The following MAP3K20 variants were observed in gnomAD, a reference collection of about 807,000 sequenced individuals.
MAP3K20 encodes the protein HCCS-4.
In MAP3K20, 40 loss-of-function variants were observed where a neutral mutation model predicts 85.7. The ratio of observed to expected loss-of-function variants is 0.47; its 90% CI spans 0.36 to 0.61. MAP3K20 has a LOEUF of 0.61. MAP3K20 is among the 20% of genes least tolerant of loss of function. MAP3K20 has a pLI of 0.00. For missense variants in MAP3K20, 817 were observed against 961.7 expected, an observed-to-expected ratio of 0.85 and a Z score of 1.99; for synonymous variants, 325 against 327.7, an observed-to-expected ratio of 0.99 and a Z score of 0.09.
At position 173,102,299 on chromosome 2, in the gene MAP3K20, T is replaced by C. The variant is rs187081606; in HGVS notation, c.159+11109T>C. 4.6e-5 allele frequency among the ~76,000 whole-genome samples: 7 copies of C among 152,350 alleles called. No homozygotes were observed. The East Asian group carries it at 1.2e-3, about 25-fold the overall frequency. On this transcript the variant is annotated intron_variant, in intron 2 of 19. Coordinates refer to ENST00000375213, the MANE Select transcript of MAP3K20 (RefSeq NM_016653.3). ...CATTCCTACCCTACTTTATAGCCTT[T>C]TCTTCTCCATGTTTGGCTGATTTTT...
chr2:173,156,088 G>A (rs558657197), intron 2 of MAP3K20, among the ~76,000 whole-genome samples: 1 of 152,258 alleles, frequency 6.6e-6, no homozygotes, highest in South Asian at 2.1e-4. Flanking sequence ...TAAATTTAAC[G>A]GTTTGGAACT....
At chr2:173,225,205 T>A in intron 11 of MAP3K20, 1 of 953,906 alleles carries the variant, frequency 1.0e-6, no homozygotes, top group Non-Finnish European at 1.2e-6. Flanking sequence ...TAGGGCACAT[T>A]TTTGGTTGTC....
At chr2:173,264,322 G>A (rs1685362716) in intron 19 of MAP3K20, among the ~76,000 whole-genome samples, 1 of 152,140 alleles carries the variant, frequency 6.6e-6, no homozygotes, top group African/African-American at 2.4e-5. Flanking sequence ...AAGATAAGCT[G>A]GCTCAACCAT....
At chr2:173,252,975 C>T (rs1685073672) in intron 16 of MAP3K20, among the ~76,000 whole-genome samples, 1 of 152,206 alleles carries the variant, frequency 6.6e-6, no homozygotes, top group African/African-American at 2.4e-5. Context: ...TGCTTCATTT[C>T]ATGAAACTGG....
chr2:173,253,883 C>T (rs899902592), intron 16 of MAP3K20, among the ~76,000 whole-genome samples: 2 of 151,570 alleles, frequency 1.3e-5, no homozygotes, highest in Non-Finnish European at 2.9e-5. Context: ...GCCTGGACAA[C>T]ATAGTGAGAC....
At chr2:173,175,837 G>GA (rs1232168096) in intron 3 of MAP3K20, among the ~76,000 whole-genome samples, 1 of 152,136 alleles carries the variant, frequency 6.6e-6, no homozygotes, top group African/African-American at 2.4e-5. Context: ...TAGACTGAGA[G>GA]AATCTTCAAG....
At chr2:173,193,276 T>G (rs1217226331) in intron 7 of MAP3K20, among the ~76,000 whole-genome samples, 1 of 152,260 alleles carries the variant, frequency 6.6e-6, no homozygotes, top group Non-Finnish European at 1.5e-5. Flanking sequence ...TTATATGAAC[T>G]AGAAGACTTT....
intron 3 of MAP3K20, among the ~76,000 whole-genome samples, chr2:173,181,217 CA>C (rs936046387): frequency 6.6e-6 from 1 of 151,942 alleles, no homozygotes; most frequent in South Asian, 2.1e-4. Context: ...TGGCCATAAT[CA>C]AAAAAACAGA....
At chr2:173,236,789 T>C (rs1311882462) in intron 14 of MAP3K20, among the ~76,000 whole-genome samples, 1 of 152,172 alleles carries the variant, frequency 6.6e-6, no homozygotes, top group Non-Finnish European at 1.5e-5. Flanking sequence ...TCAATTAAGA[T>C]AAGTAATGCT....
In MAP3K20 at chr2:173,203,779, C is replaced by A. The variant is rs758827861; in HGVS notation, c.670-17C>A. ...ATCCCTGTTTTATTTTGTTTTGTTT[C>A]CCTCTGTCTATTGTAGAGATTAACC... On this transcript the variant is annotated splice_polypyrimidine_tract_variant and intron_variant, in intron 8 of 19. Transcript: ENST00000375213. 1 of 1,593,192 alleles carries A rather than the reference C, an allele frequency of 6.3e-7. No homozygotes were observed. Among genetic ancestry groups the A allele is most frequent in the South Asian group, 1.1e-5 (1 of 90,588 alleles).
chr2:173,227,239 A>G, intron 11 of MAP3K20: 1 of 622,504 alleles, frequency 1.6e-6, no homozygotes, highest in South Asian at 7.1e-5. Flanking sequence ...GCATGCAAAC[A>G]AGTGTTAGCT....
intron 1 of MAP3K20, among the ~76,000 whole-genome samples, chr2:173,087,066 G>A (rs1573999729): frequency 6.6e-6 from 1 of 152,224 alleles, no homozygotes; most frequent in African/African-American, 2.4e-5. Context: ...ATAACCAGAA[G>A]CTATTTACTC....
chr2:173,178,890 C>A (rs765194021), intron 3 of MAP3K20, among the ~76,000 whole-genome samples: 4 of 152,050 alleles, frequency 2.6e-5, no homozygotes, highest in Non-Finnish European at 4.4e-5. Flanking sequence ...TGTAAAAATT[C>A]TTAATCATAT....
intron 2 of MAP3K20, among the ~76,000 whole-genome samples, chr2:173,155,535 G>A (rs1400678742): frequency 1.3e-5 from 2 of 152,114 alleles, no homozygotes; most frequent in East Asian, 3.9e-4. Context: ...AAACTAACTG[G>A]AGATACTCAA....
chr2:173,259,221 A>C (rs1685232238), intron 17 of MAP3K20, among the ~76,000 whole-genome samples: 1 of 152,122 alleles, frequency 6.6e-6, no homozygotes, highest in African/African-American at 2.4e-5. Flanking sequence ...AAGGACTGAG[A>C]TGAGGTTAAT....
At chr2:173,174,439 T>C (rs923617563) in intron 3 of MAP3K20, among the ~76,000 whole-genome samples, 2 of 152,224 alleles carry the variant, frequency 1.3e-5, no homozygotes, top group Non-Finnish European at 2.9e-5. Flanking sequence ...CTCGCACTTA[T>C]GAGTGAGAAC....
chr2:173,233,056 G>A (rs1684560488), intron 14 of MAP3K20, among the ~76,000 whole-genome samples: 1 of 152,172 alleles, frequency 6.6e-6, no homozygotes, highest in Non-Finnish European at 1.5e-5. Flanking sequence ...CTCTAATCTG[G>A]TGGAGAAAAC....
chr2:173,140,917 G>T (rs1688952883), intron 2 of MAP3K20, among the ~76,000 whole-genome samples: 1 of 152,030 alleles, frequency 6.6e-6, no homozygotes, highest in Admixed American at 6.6e-5. Flanking sequence ...GGGAGAAACT[G>T]GTTGAAAAAT....
chr2:173,260,977 G>T (rs1343192917), intron 17 of MAP3K20, 86 bp from the exon 18 acceptor site: 2 of 1,236,450 alleles, frequency 1.6e-6, no homozygotes, highest in African/African-American at 3.0e-5. Flanking sequence ...TGCTAATTGT[G>T]TATGGCACAA....
Sources: allele counts gnomAD v4.1 joint callset (sites outside exome capture counted in the v4.1 genomes callset), GRCh38; gene constraint gnomAD v4.1.1; transcripts MANE v1.5; gene names NCBI Gene and HGNC (gene_info 2026-07-23, HGNC 2026-07-21).